Variants in PIK3R3 observed in about 807,000 individuals in gnomAD.
PIK3R3 encodes the protein phosphoinositide-3-kinase regulatory subunit 3.
PIK3R3 carries 64 observed loss-of-function variants against 62.9 expected under a neutral mutation model. The ratio of observed to expected loss-of-function variants is 1.02; its 90% CI spans 0.83 to 1.25. The LOEUF is 1.25. PIK3R3 is among the 50% of genes most tolerant of loss of function. The probability of loss-of-function intolerance (pLI) is 0.00; values close to 1 mark genes in which losing one functional copy is unlikely to be tolerated. For missense variants in PIK3R3, 614 were observed against 561.6 expected (o/e 1.09, Z -0.94); for synonymous variants, 165 against 189.0 (o/e 0.87, Z 1.04).
chr1:46,061,524 T>C (rs536458455), intron 6 of PIK3R3, among the ~76,000 whole-genome samples: 1 of 152,300 alleles, frequency 6.6e-6, no homozygotes, highest in African/African-American at 2.4e-5. Flanking sequence ...CATAAGTAGG[T>C]ACTAGGGCTA....
chr1:46,079,498 C>T (rs1287795208), intron 2 of PIK3R3, among the ~76,000 whole-genome samples: 1 of 152,110 alleles, frequency 6.6e-6, no homozygotes, highest in East Asian at 1.9e-4. Flanking sequence ...CATGCAAAGA[C>T]TTTGGAACCA....
intron 1 of PIK3R3, among the ~76,000 whole-genome samples, chr1:46,131,176 A>G (rs1336955827): frequency 9.9e-5 from 15 of 152,194 alleles, no homozygotes; most frequent in African/African-American, 3.1e-4. Flanking sequence ...AAGTTAAATC[A>G]TCATTAAATT....
chr1:46,173,918 A>G, the PIK3R3 span, among the ~76,000 whole-genome samples: 1 of 152,074 alleles, frequency 6.6e-6, no homozygotes, highest in African/African-American at 2.4e-5. Context: ...TCTGGGTCCC[A>G]GGGCCGCAGG....
intron 1 of PIK3R3, among the ~76,000 whole-genome samples, chr1:46,087,592 C>CTTTTTT (rs35296719): frequency 3.3e-4 from 33 of 100,354 alleles, no homozygotes; most frequent in Non-Finnish European, 4.2e-4. Context: ...ACATATTCAT[C>CTTTTTT]TTTTTTTTTT....
At chr1:46,150,553 A>G in the PIK3R3 span, among the ~76,000 whole-genome samples, 2 of 152,162 alleles carry the variant, frequency 1.3e-5, no homozygotes, top group African/African-American at 4.8e-5. Flanking sequence ...CCCTAAACCC[A>G]TTATACTAAG....
chr1:46,084,454 C>G (rs1382394327), intron 1 of PIK3R3, among the ~76,000 whole-genome samples: 1 of 152,124 alleles, frequency 6.6e-6, no homozygotes, highest in Non-Finnish European at 1.5e-5. Context: ...AAATATCAGG[C>G]TTCTGACATT....
chr1:46,064,327 G>T (rs997150920), intron 5 of PIK3R3, among the ~76,000 whole-genome samples: 2 of 151,832 alleles, frequency 1.3e-5, no homozygotes, highest in African/African-American at 2.4e-5. Flanking sequence ...GATCACCTGA[G>T]GTCAGGAGTT....
At chr1:46,138,699 G>A in the PIK3R3 span, among the ~76,000 whole-genome samples, 1 of 152,180 alleles carries the variant, frequency 6.6e-6, no homozygotes, top group East Asian at 1.9e-4. Context: ...TTCTGCAGGG[G>A]CATCATTCTT....
chr1:46,066,525 A>G (rs1270736942), intron 4 of PIK3R3, among the ~76,000 whole-genome samples: 1 of 152,216 alleles, frequency 6.6e-6, no homozygotes, highest in Non-Finnish European at 1.5e-5. Flanking sequence ...AAATATCTAA[A>G]ATCTTAAGTA....
the PIK3R3 span, among the ~76,000 whole-genome samples, chr1:46,148,698 T>G: frequency 6.6e-6 from 1 of 151,812 alleles, no homozygotes; most frequent in Non-Finnish European, 1.5e-5. Flanking sequence ...ACAAAACATA[T>G]TTACTACTCT....
At chr1:46,080,846 C>A in intron 1 of PIK3R3, 96 bp from the exon 2 acceptor site, 2 of 717,406 alleles carry the variant, frequency 2.8e-6, no homozygotes, top group African/African-American at 1.8e-5. Flanking sequence ...TGTTAAGATT[C>A]TAATAATTAT....
At chr1:46,127,998 A>T (rs939763346) in intron 1 of PIK3R3, among the ~76,000 whole-genome samples, 2 of 152,248 alleles carry the variant, frequency 1.3e-5, no homozygotes, top group African/African-American at 4.8e-5. Flanking sequence ...ACACCAATCC[A>T]TGCAGTTATT....
intron 1 of PIK3R3, among the ~76,000 whole-genome samples, chr1:46,109,829 A>G (rs1410372263): frequency 2.0e-5 from 3 of 152,132 alleles, no homozygotes; most frequent in Non-Finnish European, 4.4e-5. Flanking sequence ...TGAGTTTCAA[A>G]TCTAACCATA....
the PIK3R3 span, among the ~76,000 whole-genome samples, chr1:46,153,392 AT>A: frequency 6.6e-6 from 1 of 152,196 alleles, no homozygotes; most frequent in South Asian, 2.1e-4. Context: ...TCTTGCCAGC[AT>A]ACTACTTGTT....
At chr1:46,146,686 TACAC>T in the PIK3R3 span, among the ~76,000 whole-genome samples, 2,397 of 92,342 alleles carry the variant, frequency 0.026, 111 homozygotes, top group East Asian at 0.036. Context: ...CCTCCAACTC[TACAC>T]ACACACACAC....
At chr1:46,071,163 AT>A (rs1649441701) in intron 3 of PIK3R3, among the ~76,000 whole-genome samples, 1 of 151,964 alleles carries the variant, frequency 6.6e-6, no homozygotes, top group Admixed American at 6.6e-5. Flanking sequence ...TGAAATTATT[AT>A]TTTCTTTCAA....
At position 46,046,015 on chromosome 1, in the gene PIK3R3, T is replaced by C. The variant is rs1647106735; in HGVS notation, c.1090A>G (p.Asn364Asp). Reference sequence around the variant, plus strand: ...AGCAAGTCCTCTGCTTGTACTCGATTGATATCCTCAACAAACCAGGTTTTC... The same window carrying C: ...AGCAAGTCCTCTGCTTGTACTCGATCGATATCCTCAACAAACCAGGTTTTC... ...DEKTWFVEDI[N>D]RVQAEDLLYG... is the part of the protein sequence containing the mutation. The change falls in exon 9 of 10, where the codon AAT becomes GAT. Residue 364 changes from asparagine to aspartate, a missense_variant. Coordinates refer to ENST00000262741, the MANE Select transcript of PIK3R3 (RefSeq NM_003629.4). The C allele has an allele frequency of 1.9e-6, 3 of 1,612,384 alleles. No homozygotes were observed. Among genetic ancestry groups the C allele is most frequent in the Non-Finnish European group, 2.5e-6 (3 of 1,178,564 alleles).
At chr1:46,046,184 A>G in intron 8 of PIK3R3, 96 bp from the exon 9 acceptor site, 1 of 752,942 alleles carries the variant, frequency 1.3e-6, no homozygotes, top group Non-Finnish European at 2.1e-6. Context: ...TAAACCACAA[A>G]TAACAAAGCA....
rs772025178 is a variant in PIK3R3 at position 46,043,738 on chromosome 1, T to C, written c.1321A>G (p.Asn441Asp). 9 of 1,614,062 alleles carry C rather than the reference T, an allele frequency of 5.6e-6. No homozygotes were observed. Among genetic ancestry groups the C allele is most frequent in the Non-Finnish European group, 7.6e-6 (9 of 1,180,018 alleles). ...GCAAGCCTGACGTTGAGGGAGTCGT[T>C]GTGCTGAACCAAGGATGTCTGCTGG... ...HYQQTSLVQH[N>D]DSLNVRLAYP... Residue 441 changes from asparagine to aspartate, a missense_variant, in exon 10 of 10, where the codon AAC becomes GAC. Transcript: ENST00000262741.
Sources: gnomAD v4.1 joint callset for allele counts (sites outside exome capture counted in the v4.1 genomes callset) on GRCh38, gnomAD v4.1.1 for gene constraint, MANE v1.5 for transcripts, NCBI Gene and HGNC (gene_info 2026-07-23, HGNC 2026-07-21) for gene names.